Variants in KLF12 observed in about 807,000 individuals in gnomAD.
KLF12 encodes the protein KLF transcription factor 12, also known as Krueppel-like factor 12.
In KLF12, 9 loss-of-function variants were observed where a neutral mutation model predicts 37.8. The ratio of observed to expected loss-of-function variants is 0.24; its 90% CI spans 0.14 to 0.42. KLF12 has a LOEUF of 0.42. Ranked by LOEUF, KLF12 falls within the 10% of genes least tolerant of loss-of-function variation. KLF12 has a pLI of 1.00. For missense variants in KLF12, 411 were observed against 516.0 expected (o/e 0.80, Z 1.97); for synonymous variants, 208 against 202.1 (o/e 1.03, Z -0.25).
intron 1 of KLF12, among the ~76,000 whole-genome samples, chr13:74,053,894 C>T (rs1421319080): frequency 6.6e-6 from 1 of 152,098 alleles, no homozygotes; most frequent in Non-Finnish European, 1.5e-5. Flanking sequence ...CCTAGAGACA[C>T]ATAGTCATTA....
At chr13:74,235,083 G>C in the KLF12 span, among the ~76,000 whole-genome samples, 1 of 152,166 alleles carries the variant, frequency 6.6e-6, no homozygotes, top group Non-Finnish European at 1.5e-5. Flanking sequence ...TTTTTGATGA[G>C]ACAGTTTCTG....
chr13:73,738,700 C>T (rs985964099), intron 6 of KLF12, among the ~76,000 whole-genome samples: 2 of 152,084 alleles, frequency 1.3e-5, no homozygotes, highest in African/African-American at 4.8e-5. Context: ...CCTAAAAAGG[C>T]TGTGTAGGTG....
chr13:73,708,954 G>T (rs1455390793), intron 7 of KLF12, among the ~76,000 whole-genome samples: 2 of 152,104 alleles, frequency 1.3e-5, no homozygotes, highest in Non-Finnish European at 2.9e-5. Flanking sequence ...TAATTAACCT[G>T]CTGACAATAA....
intron 1 of KLF12, among the ~76,000 whole-genome samples, chr13:74,029,641 C>G (rs1893066683): frequency 6.6e-6 from 1 of 152,030 alleles, no homozygotes; most frequent in Non-Finnish European, 1.5e-5. Flanking sequence ...ATCACTCTTA[C>G]AGTTTGTTCC....
chr13:73,739,168 A>G (rs1877757110), intron 6 of KLF12, among the ~76,000 whole-genome samples: 1 of 151,840 alleles, frequency 6.6e-6, no homozygotes, highest in African/African-American at 2.4e-5. Flanking sequence ...CACGAGGTGG[A>G]GGCTACAGTG....
At chr13:73,739,206 A>G (rs1877761867) in intron 6 of KLF12, among the ~76,000 whole-genome samples, 1 of 151,136 alleles carries the variant, frequency 6.6e-6, no homozygotes, top group South Asian at 2.1e-4. Context: ...TACACTCCAG[A>G]CTGGGTGACA....
intron 1 of KLF12, among the ~76,000 whole-genome samples, chr13:74,100,472 G>T (rs1876266372): frequency 6.6e-6 from 1 of 152,114 alleles, no homozygotes; most frequent in Non-Finnish European, 1.5e-5. Context: ...ACAAAAATCA[G>T]CTAGGTGTGG....
intron 3 of KLF12, among the ~76,000 whole-genome samples, chr13:73,859,553 G>A (rs893912879): frequency 5.9e-5 from 9 of 152,150 alleles, no homozygotes; most frequent in Admixed American, 3.9e-4. Flanking sequence ...GGCACTGCTA[G>A]GATAGTTGTA....
chr13:74,061,830 C>T lies in KLF12; in HGVS notation c.-31-66777G>A, dbSNP rs140884845. Among the ~76,000 whole-genome samples, 1,243 of 152,184 alleles carry T rather than the reference C, an allele frequency of 8.2e-3. 20 individuals carry two copies. Among genetic ancestry groups the T allele is most frequent in the African/African-American group, 0.027 (1,138 of 41,522 alleles). ...GTCACACATGATTTTTATACCTTGA[C>T]GTTATATGATAGCTTTCTGAAACTT... On this transcript the variant is annotated intron_variant, in intron 1 of 7. Coordinates refer to ENST00000377669, the MANE Select transcript of KLF12 (RefSeq NM_007249.5).
intron 4 of KLF12, chr13:73,844,704 C>T (rs1316651830): frequency 6.6e-6 from 1 of 152,062 alleles, no homozygotes; most frequent in African/African-American, 2.4e-5. Context: ...GTATTTATTC[C>T]CACCTCATAC....
At chr13:74,071,599 A>C (rs1173574121) in intron 1 of KLF12, among the ~76,000 whole-genome samples, 1 of 152,178 alleles carries the variant, frequency 6.6e-6, no homozygotes, top group Non-Finnish European at 1.5e-5. Context: ...AGGCTGAGGC[A>C]GGAGAATGGC....
chr13:73,745,917 T>C (rs2137925901), intron 6 of KLF12, among the ~76,000 whole-genome samples: 1 of 152,334 alleles, frequency 6.6e-6, no homozygotes, highest in South Asian at 2.1e-4. Flanking sequence ...CGTAATGTCC[T>C]GCAAAATACG....
chr13:73,813,970 G>A (rs112849759), intron 4 of KLF12, among the ~76,000 whole-genome samples: 4 of 152,294 alleles, frequency 2.6e-5, no homozygotes, highest in African/African-American at 9.6e-5. Context: ...GCCAAAGCAG[G>A]AAACGGCACA....
intron 3 of KLF12, among the ~76,000 whole-genome samples, chr13:73,937,652 AAAGGG>A (rs1890010442): frequency 6.6e-6 from 1 of 152,192 alleles, no homozygotes. Context: ...GTACATTGCT[AAAGGG>A]AAGAAGGGCA....
At chr13:74,237,473 G>A in the KLF12 span, among the ~76,000 whole-genome samples, 2 of 138,428 alleles carry the variant, frequency 1.4e-5, no homozygotes, top group Non-Finnish European at 3.0e-5. Context: ...TGCCAATTCT[G>A]CGAAGAAAGT....
the KLF12 span, among the ~76,000 whole-genome samples, chr13:74,275,893 CT>C: frequency 1.7e-4 from 20 of 121,012 alleles, no homozygotes; most frequent in African/African-American, 3.8e-4. Context: ...TTCTTTCTTT[CT>C]TTCTTTCTTT....
the KLF12 span, among the ~76,000 whole-genome samples, chr13:74,157,196 C>T: frequency 3.3e-5 from 5 of 152,134 alleles, no homozygotes; most frequent in African/African-American, 1.2e-4. Flanking sequence ...GAGATATTTG[C>T]TTTATTTAGC....
chr13:73,958,688 G>A (rs1890925356), intron 2 of KLF12, among the ~76,000 whole-genome samples: 1 of 152,030 alleles, frequency 6.6e-6, no homozygotes. Flanking sequence ...CATGTCAGTG[G>A]CTCTCACACT....
chr13:74,038,758 A>G (rs1192177512), intron 1 of KLF12, among the ~76,000 whole-genome samples: 1 of 152,182 alleles, frequency 6.6e-6, no homozygotes, highest in Non-Finnish European at 1.5e-5. Flanking sequence ...CTGCTTTTGT[A>G]AGAAAGGGGG....
Sources: allele counts gnomAD v4.1 joint callset (sites outside exome capture counted in the v4.1 genomes callset), GRCh38; gene constraint gnomAD v4.1.1; transcripts MANE v1.5; gene names NCBI Gene and HGNC (gene_info 2026-07-23, HGNC 2026-07-21).